Variants in GLG1 observed in about 807,000 individuals in gnomAD.
GLG1 encodes the protein golgi glycoprotein 1.
Under a neutral mutation model 160.5 loss-of-function variants are expected in GLG1, and 38 were observed. That is an observed-to-expected ratio of 0.24 (90% CI 0.18 to 0.31). GLG1 has a LOEUF of 0.31. GLG1 is among the 10% of genes least tolerant of loss of function. The probability of loss-of-function intolerance (pLI) is 1.00; values close to 1 mark genes in which losing one functional copy is unlikely to be tolerated. For missense variants in GLG1, 1,373 were observed against 1,505.2 expected (o/e 0.91, Z 1.45); for synonymous variants, 644 against 543.4 (o/e 1.19, Z -2.57).
chr16:74,521,917 AC>A (rs1242379336), intron 2 of GLG1, among the ~76,000 whole-genome samples: 1 of 152,172 alleles, frequency 6.6e-6, no homozygotes, highest in Admixed American at 6.5e-5. Flanking sequence ...CTTTGTAACA[AC>A]GCTCTGGGCA....
chr16:74,508,771 A>G, intron 3 of GLG1, 68 bp downstream of exon 3: 2 of 736,304 alleles, frequency 2.7e-6, no homozygotes, highest in South Asian at 3.0e-5. Context: ...CATTCTTCTC[A>G]TAAGGGCTGG....
At chr16:74,467,229 T>C (rs2015032441) in intron 18 of GLG1, among the ~76,000 whole-genome samples, 1 of 152,268 alleles carries the variant, frequency 6.6e-6, no homozygotes, top group Non-Finnish European at 1.5e-5. Flanking sequence ...CCCATGGCAA[T>C]GCCCTTAACT....
At chr16:74,488,383 A>G (rs1252916935) in intron 8 of GLG1, among the ~76,000 whole-genome samples, 1 of 152,122 alleles carries the variant, frequency 6.6e-6, no homozygotes, top group African/African-American at 2.4e-5. Flanking sequence ...CACTTAAAAA[A>G]CAAAACAACA....
intron 8 of GLG1, 142 bp downstream of exon 8, chr16:74,490,859 C>T (rs1404596163): frequency 4.8e-6 from 3 of 627,300 alleles, no homozygotes; most frequent in Non-Finnish European, 5.7e-6. Context: ...GAAGAAGCAA[C>T]GTTCAGTCTC....
At chr16:74,587,361 G>T (rs1019927124) in intron 1 of GLG1, among the ~76,000 whole-genome samples, 1 of 152,164 alleles carries the variant, frequency 6.6e-6, no homozygotes, top group Non-Finnish European at 1.5e-5. Flanking sequence ...AAAGCAGCTA[G>T]AATTTGAAAG....
chr16:74,573,244 CAAG>C (rs1171693651), intron 1 of GLG1, among the ~76,000 whole-genome samples: 1 of 152,006 alleles, frequency 6.6e-6, no homozygotes, highest in African/African-American at 2.4e-5. Flanking sequence ...ATCTTTACTA[CAAG>C]AAGTTCTGAA....
At position 74,467,862 on chromosome 16, in the gene GLG1, C is replaced by A. The variant is rs1323551736; in HGVS notation, c.2437-14G>T. The A allele has an allele frequency of 3.2e-6, 5 of 1,570,214 alleles. No homozygotes were observed. Among genetic ancestry groups the A allele is most frequent in the East Asian group, 2.2e-5 (1 of 44,510 alleles). ...GATGTCCTCCGTCTGCATGAGGGAGCCAGCATGGAAAGGTGAGCTTGGTTT... is the reference window on the plus strand; with the variant it reads ...GATGTCCTCCGTCTGCATGAGGGAGACAGCATGGAAAGGTGAGCTTGGTTT... On this transcript the variant is annotated splice_polypyrimidine_tract_variant and intron_variant, in intron 17 of 25. Transcript: ENST00000422840.
intron 8 of GLG1, among the ~76,000 whole-genome samples, chr16:74,489,635 C>T (rs1227356278): frequency 6.6e-6 from 1 of 152,210 alleles, no homozygotes; most frequent in Non-Finnish European, 1.5e-5. Context: ...CCAGTAACAA[C>T]TGCACCCTAG....
intron 1 of GLG1, among the ~76,000 whole-genome samples, chr16:74,582,364 T>C (rs957903826): frequency 1.3e-5 from 2 of 151,976 alleles, no homozygotes; most frequent in African/African-American, 2.4e-5. Flanking sequence ...TGGGGTTTCA[T>C]CACGTTGGTC....
At chr16:74,569,296 T>C (rs1288693156) in intron 1 of GLG1, among the ~76,000 whole-genome samples, 1 of 152,220 alleles carries the variant, frequency 6.6e-6, no homozygotes, top group Admixed American at 6.5e-5. Context: ...ATAAAAATCC[T>C]TTCTGAAACA....
intron 1 of GLG1, among the ~76,000 whole-genome samples, chr16:74,545,881 A>G (rs1199202149): frequency 1.3e-5 from 2 of 152,194 alleles, no homozygotes; most frequent in Non-Finnish European, 1.5e-5. Flanking sequence ...TAATTTTGTA[A>G]AAGTAAATGT....
chr16:74,527,172 A>G (rs1417199429), intron 2 of GLG1, among the ~76,000 whole-genome samples: 1 of 150,718 alleles, frequency 6.6e-6, no homozygotes, highest in Non-Finnish European at 1.5e-5. Context: ...CCTTTGTGCT[A>G]CTGTTGTCAT....
chr16:74,473,783 C>T (rs1236458067), intron 13 of GLG1, among the ~76,000 whole-genome samples: 2 of 151,886 alleles, frequency 1.3e-5, no homozygotes, highest in East Asian at 3.9e-4. Flanking sequence ...CAGGATGGAA[C>T]AGGGATAAAC....
chr16:74,550,443 G>A (rs1039096564), intron 1 of GLG1, among the ~76,000 whole-genome samples: 3 of 152,112 alleles, frequency 2.0e-5, no homozygotes, highest in African/African-American at 7.2e-5. Context: ...CAATGTGTCC[G>A]CCGTGTGTGG....
chr16:74,566,211 T>G (rs1365233004), intron 1 of GLG1, among the ~76,000 whole-genome samples: 1 of 152,216 alleles, frequency 6.6e-6, no homozygotes, highest in African/African-American at 2.4e-5. Flanking sequence ...TCCCATAGGC[T>G]ACTCTTTGGA....
chr16:74,492,499 G>A (rs374900848), intron 7 of GLG1, among the ~76,000 whole-genome samples: 10 of 146,548 alleles, frequency 6.8e-5, no homozygotes, highest in African/African-American at 1.8e-4. Context: ...GGATGCCAAC[G>A]TGGCAAAACC....
chr16:74,580,009 G>A (rs1957902901), intron 1 of GLG1, among the ~76,000 whole-genome samples: 1 of 152,102 alleles, frequency 6.6e-6, no homozygotes, highest in African/African-American at 2.4e-5. Flanking sequence ...GTTGCAGTGA[G>A]CCAAGATCCT....
chr16:74,509,596 TC>T (rs751340874), intron 2 of GLG1, among the ~76,000 whole-genome samples: 8 of 152,084 alleles, frequency 5.3e-5, no homozygotes, highest in Non-Finnish European at 1.0e-4. Flanking sequence ...ACGCCTGTAA[TC>T]CCAGCACTTT....
At chr16:74,551,862 G>C (rs60813683) in intron 1 of GLG1, among the ~76,000 whole-genome samples, 99,614 of 150,030 alleles carry the variant, frequency 0.66, 33,287 homozygotes, top group East Asian at 0.81. Context: ...AAACGTCTTC[G>C]CCATTAGTCC....
Sources: allele counts gnomAD v4.1 joint callset (sites outside exome capture counted in the v4.1 genomes callset), GRCh38; gene constraint gnomAD v4.1.1; transcripts MANE v1.5; gene names NCBI Gene and HGNC (gene_info 2026-07-23, HGNC 2026-07-21).